TAFA4: variants seen among roughly 807,000 people sequenced by gnomAD.
TAFA4 encodes the protein TAFA chemokine like family member 4, also known as chemokine-like protein TAFA-4.
In TAFA4, 20 loss-of-function variants were observed where a neutral mutation model predicts 21.1. The observed-to-expected ratio is 0.95, with a 90% confidence interval of 0.67 to 1.38. The LOEUF is 1.38. Ranked by LOEUF, TAFA4 falls within the 40% of genes most tolerant of loss-of-function variation. TAFA4 has a pLI of 0.00. For synonymous variants in TAFA4, 71 were observed against 67.4 expected (o/e 1.05, Z -0.26); for missense variants, 211 against 180.9 (o/e 1.17, Z -0.95).
At chr3:68,897,232 C>T (rs2089800243) in intron 1 of TAFA4, among the ~76,000 whole-genome samples, 1 of 152,170 alleles carries the variant, frequency 6.6e-6, no homozygotes, top group Non-Finnish European at 1.5e-5. Flanking sequence ...TTCACTTTGG[C>T]TGCTAGGAAG....
intron 3 of TAFA4, among the ~76,000 whole-genome samples, chr3:68,877,599 G>A (rs1469857580): frequency 6.6e-6 from 1 of 152,110 alleles, no homozygotes; most frequent in East Asian, 1.9e-4. Context: ...CACCCTTCTG[G>A]GTCACTCTGT....
chr3:68,839,761 G>A (rs1173825552), intron 3 of TAFA4, among the ~76,000 whole-genome samples: 1 of 152,196 alleles, frequency 6.6e-6, no homozygotes, highest in Non-Finnish European at 1.5e-5. Flanking sequence ...TGCAAAGGAG[G>A]TGCTGGGTCT....
At chr3:68,868,164 T>C (rs2089441743) in intron 3 of TAFA4, among the ~76,000 whole-genome samples, 1 of 151,958 alleles carries the variant, frequency 6.6e-6, no homozygotes, top group Non-Finnish European at 1.5e-5. Flanking sequence ...AGCTATTCCA[T>C]GCAAATGGAA....
chr3:68,774,460 C>CTTG (rs1202743049), intron 3 of TAFA4, among the ~76,000 whole-genome samples: 1 of 152,160 alleles, frequency 6.6e-6, no homozygotes, highest in Non-Finnish European at 1.5e-5. Flanking sequence ...ACTCTCTAGT[C>CTTG]TCAAGCAACA....
intron 1 of TAFA4, among the ~76,000 whole-genome samples, chr3:68,912,133 C>A (rs1413353647): frequency 6.6e-6 from 1 of 152,158 alleles, no homozygotes; most frequent in Non-Finnish European, 1.5e-5. Flanking sequence ...TCCCCATTGT[C>A]TGTATCCCAC....
chr3:68,778,734 G>C (rs778983611), intron 3 of TAFA4, among the ~76,000 whole-genome samples: 22 of 152,210 alleles, frequency 1.4e-4, no homozygotes, highest in Non-Finnish European at 2.9e-4. Context: ...CAGCCACGTG[G>C]AACTGTAAAT....
intron 3 of TAFA4, among the ~76,000 whole-genome samples, chr3:68,867,654 G>A (rs975467827): frequency 1.3e-5 from 2 of 152,076 alleles, no homozygotes; most frequent in African/African-American, 4.8e-5. Context: ...AATATTAAAA[G>A]ATGAAAATTG....
intron 3 of TAFA4, among the ~76,000 whole-genome samples, chr3:68,877,530 G>A (rs995672128): frequency 6.6e-6 from 1 of 152,094 alleles, no homozygotes; most frequent in African/African-American, 2.4e-5. Flanking sequence ...TTCCCAATCA[G>A]TGATACATCC....
chr3:68,812,739 C>T (rs1703870541), intron 3 of TAFA4, among the ~76,000 whole-genome samples: 1 of 152,104 alleles, frequency 6.6e-6, no homozygotes, highest in Non-Finnish European at 1.5e-5. Context: ...GACTTTAACA[C>T]CCGGCTGTCA....
At position 68,743,363 on chromosome 3, in the gene TAFA4, G is replaced by A. The variant is rs137924722; in HGVS notation, c.287-4164C>T. On this transcript the variant is annotated intron_variant, in intron 4 of 5. Transcript: ENST00000295569. ...GGCCTAGGTGGGCAGATCACTTGAG[G>A]TCAAGAGTTCAAGACCAGCCTAGCC... 3.3e-3 allele frequency among the ~76,000 whole-genome samples: 500 copies of A among 152,102 alleles called. 5 individuals carry two copies. The highest frequency in any genetic ancestry group is 0.011 in the African/African-American group (451 of 41,504).
At chr3:68,822,002 G>A (rs1704123445) in intron 3 of TAFA4, among the ~76,000 whole-genome samples, 1 of 152,068 alleles carries the variant, frequency 6.6e-6, no homozygotes, top group Non-Finnish European at 1.5e-5. Flanking sequence ...CAATCCTATT[G>A]AGCCTCATGT....
intron 1 of TAFA4, among the ~76,000 whole-genome samples, chr3:68,910,204 T>C (rs951056929): frequency 6.6e-6 from 1 of 152,240 alleles, no homozygotes; most frequent in Non-Finnish European, 1.5e-5. Flanking sequence ...TTCTATTGGT[T>C]AGAAGCAAGT....
intron 3 of TAFA4, among the ~76,000 whole-genome samples, chr3:68,768,401 A>G (rs969850121): frequency 6.6e-6 from 1 of 152,212 alleles, no homozygotes; most frequent in African/African-American, 2.4e-5. Flanking sequence ...ACAATGAGAC[A>G]TCACCTCACT....
chr3:68,927,893 CAA>C (rs1209770129), intron 1 of TAFA4, among the ~76,000 whole-genome samples: 12 of 123,472 alleles, frequency 9.7e-5, no homozygotes, highest in Admixed American at 2.5e-4. Context: ...GACACCATCT[CAA>C]AAAAAAAAAA....
intron 2 of TAFA4, among the ~76,000 whole-genome samples, chr3:68,882,324 TAA>T (rs11395664): frequency 1.4e-5 from 2 of 146,996 alleles, no homozygotes. Flanking sequence ...ATCTGTGCTT[TAA>T]AAAAAAAAAA....
At chr3:68,886,779 G>A (rs943354650) in intron 1 of TAFA4, among the ~76,000 whole-genome samples, 1 of 152,134 alleles carries the variant, frequency 6.6e-6, no homozygotes, top group African/African-American at 2.4e-5. Context: ...TCATGTCTTA[G>A]TCTGTTTTCT....
intron 4 of TAFA4, among the ~76,000 whole-genome samples, chr3:68,752,266 C>T (rs778099058): frequency 6.6e-6 from 1 of 152,114 alleles, no homozygotes; most frequent in Non-Finnish European, 1.5e-5. Flanking sequence ...TGGAAGAAGC[C>T]AGGGGTATCA....
chr3:68,792,004 C>T (rs1703369828), intron 3 of TAFA4, among the ~76,000 whole-genome samples: 1 of 152,138 alleles, frequency 6.6e-6, no homozygotes, highest in Admixed American at 6.5e-5. Context: ...AACTCTGAGA[C>T]TGTCAGAAAA....
chr3:68,733,012 G>C lies in TAFA4; in HGVS notation c.*130C>G, dbSNP rs1376390390. The C allele has an allele frequency of 1.7e-6, 2 of 1,204,670 alleles. No homozygotes were observed. The highest frequency in any genetic ancestry group is 4.1e-5 in the Admixed American group (2 of 48,966). The allele number at this position is 1,204,670 out of a possible 1,614,324, so 74.6% of individuals were successfully genotyped here. A position where few individuals can be genotyped will look rare whatever the true frequency, so the allele number is the denominator to read the frequency against. ...AGTTAAGTGAATGCCACCTCTCACA[G>C]CTCACATATACAAATATGAAGTTGC... On this transcript the variant is annotated 3_prime_UTR_variant, in exon 6 of 6. Coordinates refer to ENST00000295569, the MANE Select transcript of TAFA4 (RefSeq NM_182522.5).
Sources: gnomAD v4.1 joint callset for allele counts (sites outside exome capture counted in the v4.1 genomes callset) on GRCh38, gnomAD v4.1.1 for gene constraint, MANE v1.5 for transcripts, NCBI Gene and HGNC (gene_info 2026-07-23, HGNC 2026-07-21) for gene names.